WWOX: variants seen among roughly 807,000 people sequenced by gnomAD.
WWOX encodes the protein WW domain containing oxidoreductase, also known as WW domain-containing oxidoreductase.
Under a neutral mutation model 46.2 loss-of-function variants are expected in WWOX, and 69 were observed. The observed-to-expected ratio is 1.49, with a 90% CI of 1.23 to 1.82. The LOEUF (loss-of-function observed/expected upper bound fraction) is 1.82, where lower values mean the gene tolerates loss of function less well. WWOX is among the 40% of genes most tolerant of loss of function. The pLI, the probability that WWOX is intolerant of heterozygous loss-of-function variation, is 0.00. For missense variants in WWOX, 919 were observed against 542.6 expected (o/e 1.69, Z -6.89); for synonymous variants, 359 against 202.6 (o/e 1.77, Z -6.56).
intron 8 of WWOX, among the ~76,000 whole-genome samples, chr16:78,446,627 G>A (rs996118344): frequency 6.8e-6 from 1 of 147,660 alleles, no homozygotes; most frequent in South Asian, 2.2e-4. Context: ...TTACTATTTG[G>A]TGAACATCGA....
chr16:79,071,207 A>T (rs893422345), intron 8 of WWOX, among the ~76,000 whole-genome samples: 11 of 152,242 alleles, frequency 7.2e-5, no homozygotes, highest in African/African-American at 2.4e-4. Flanking sequence ...TTTGTTGTTC[A>T]GGTGAGTCTC....
At chr16:79,061,958 C>G (rs377494974) in intron 8 of WWOX, among the ~76,000 whole-genome samples, 1 of 152,190 alleles carries the variant, frequency 6.6e-6, no homozygotes, top group Non-Finnish European at 1.5e-5. Context: ...AGACGCTAGC[C>G]TCCCCTTGTA....
intron 8 of WWOX, among the ~76,000 whole-genome samples, chr16:79,091,775 C>CTTTTTTTTT (rs771753213): frequency 2.4e-5 from 3 of 126,854 alleles, no homozygotes; most frequent in Admixed American, 8.1e-5. Flanking sequence ...CTTTTCTTTT[C>CTTTTTTTTT]TTTGTTTTTT....
At chr16:78,542,863 C>T (rs111654820) in intron 8 of WWOX, among the ~76,000 whole-genome samples, 5 of 152,266 alleles carry the variant, frequency 3.3e-5, no homozygotes, top group African/African-American at 7.2e-5. Flanking sequence ...ACCCAAACGA[C>T]GGGCCTGGGG....
intron 8 of WWOX, among the ~76,000 whole-genome samples, chr16:78,467,342 C>T (rs1239792639): frequency 6.6e-6 from 1 of 151,996 alleles, no homozygotes; most frequent in Non-Finnish European, 1.5e-5. Flanking sequence ...CGCACATACA[C>T]ATATTTTAAG....
At chr16:78,574,731 T>C (rs1048788487) in intron 8 of WWOX, among the ~76,000 whole-genome samples, 3 of 151,164 alleles carry the variant, frequency 2.0e-5, no homozygotes, top group Non-Finnish European at 4.4e-5. Flanking sequence ...TGACTAACAA[T>C]GTGGAATCTG....
intron 8 of WWOX, among the ~76,000 whole-genome samples, chr16:79,044,258 A>G (rs530241885): frequency 6.6e-6 from 1 of 152,330 alleles, no homozygotes; most frequent in East Asian, 1.9e-4. Flanking sequence ...CGTCGTTGAA[A>G]GTATTGAAGT....
intron 8 of WWOX, chr16:78,526,274 G>C (rs1379095769): frequency 1.3e-5 from 2 of 152,392 alleles, no homozygotes. Context: ...TTGTTGCCGT[G>C]CTGATGACCT....
rs150424281 is a variant in WWOX, at chr16:79,156,276, G to A, written c.1057-55332G>A. Among the ~76,000 whole-genome samples, 1,385 of 152,170 alleles carry A rather than the reference G, an allele frequency of 9.1e-3. 13 individuals carry two copies. The highest frequency in any genetic ancestry group is 0.013 in the Non-Finnish European group (914 of 68,008). ...TCCTGGGCTCAAGCAATCCTCCCACGTCAACCTCCAGAATAGCTAAGACCC... is the reference window on the plus strand; with the variant it reads ...TCCTGGGCTCAAGCAATCCTCCCACATCAACCTCCAGAATAGCTAAGACCC... On this transcript the variant is annotated intron_variant, in intron 8 of 8. Coordinates refer to ENST00000566780, the MANE Select transcript of WWOX (RefSeq NM_016373.4).
At chr16:78,828,215 G>T (rs539130721) in intron 8 of WWOX, among the ~76,000 whole-genome samples, 1 of 152,150 alleles carries the variant, frequency 6.6e-6, no homozygotes, top group Non-Finnish European at 1.5e-5. Context: ...TCAAGACCTG[G>T]CTTCTGCTCC....
chr16:79,149,339 A>G (rs1444037817), intron 8 of WWOX, among the ~76,000 whole-genome samples: 1 of 152,184 alleles, frequency 6.6e-6, no homozygotes, highest in Non-Finnish European at 1.5e-5. Flanking sequence ...GACTATATTG[A>G]TTTTAAATAT....
intron 5 of WWOX, among the ~76,000 whole-genome samples, chr16:78,295,797 C>T (rs547329982): frequency 2.0e-5 from 3 of 152,334 alleles, no homozygotes; most frequent in South Asian, 2.1e-4. Context: ...AGGGATTTTT[C>T]GAACACGTAG....
intron 8 of WWOX, chr16:79,017,548 C>T (rs1421519900): frequency 2.0e-5 from 3 of 150,006 alleles, no homozygotes; most frequent in Non-Finnish European, 3.0e-5. Flanking sequence ...TCAGGCTTTG[C>T]AGGCCCTATG....
chr16:79,027,020 C>A (rs888091192), intron 8 of WWOX, among the ~76,000 whole-genome samples: 1 of 151,468 alleles, frequency 6.6e-6, no homozygotes, highest in African/African-American at 2.4e-5. Context: ...TGGCTCATGC[C>A]TGTAATCCCA....
chr16:78,386,240 A>G (rs999228861), intron 5 of WWOX, among the ~76,000 whole-genome samples: 1 of 152,212 alleles, frequency 6.6e-6, no homozygotes, highest in Non-Finnish European at 1.5e-5. Flanking sequence ...GGCCCTAAGT[A>G]CACAGTAGCC....
At chr16:78,646,671 G>A (rs749146779) in intron 8 of WWOX, among the ~76,000 whole-genome samples, 19 of 152,124 alleles carry the variant, frequency 1.2e-4, no homozygotes, top group Non-Finnish European at 2.1e-4. Context: ...CAGGTGATCC[G>A]CCCTACTGGG....
At chr16:78,717,330 A>G (rs1276990343) in intron 8 of WWOX, among the ~76,000 whole-genome samples, 1 of 152,242 alleles carries the variant, frequency 6.6e-6, no homozygotes, top group Admixed American at 6.5e-5. Flanking sequence ...ATAAGTGCAG[A>G]ACTTGCAATA....
chr16:78,352,669 A>AT (rs1225419124), intron 5 of WWOX, among the ~76,000 whole-genome samples: 1 of 152,228 alleles, frequency 6.6e-6, no homozygotes, highest in Non-Finnish European at 1.5e-5. Context: ...CTACAACCTT[A>AT]ATTACCATTT....
chr16:78,138,876 A>G (rs544944795), intron 4 of WWOX, among the ~76,000 whole-genome samples: 8 of 152,126 alleles, frequency 5.3e-5, no homozygotes, highest in Non-Finnish European at 1.0e-4. Flanking sequence ...TGGCATCTCT[A>G]TTACCTACAG....
Sources: gnomAD v4.1 joint callset for allele counts (sites outside exome capture counted in the v4.1 genomes callset) on GRCh38, gnomAD v4.1.1 for gene constraint, MANE v1.5 for transcripts, NCBI Gene and HGNC (gene_info 2026-07-23, HGNC 2026-07-21) for gene names.